TBC1D9B: variants seen among roughly 807,000 people sequenced by gnomAD.
TBC1D9B encodes TBC1 domain family member 9B.
Under a neutral mutation model 121.1 loss-of-function variants are expected in TBC1D9B, and 87 were observed. The observed-to-expected ratio is 0.72, with a 90% CI of 0.60 to 0.86. The LOEUF (loss-of-function observed/expected upper bound fraction) is 0.86, where lower values mean the gene tolerates loss of function less well. TBC1D9B is among the 40% of genes least tolerant of loss of function. TBC1D9B has a pLI of 0.00. For missense variants in TBC1D9B, 1,540 were observed against 1,628.6 expected (o/e 0.95, Z 0.94); for synonymous variants, 668 against 670.1 (o/e 1.00, Z 0.05).
chr5:179,878,715 G>C (rs1257015220), intron 9 of TBC1D9B, among the ~76,000 whole-genome samples, 192 bp from the exon 10 acceptor site: 1 of 152,166 alleles, frequency 6.6e-6, no homozygotes, highest in African/African-American at 2.4e-5. Context: ...TGGCTGACTT[G>C]CCTCTTCCAG....
At chr5:179,871,358 C>T (rs905740943) in intron 15 of TBC1D9B, 104 bp downstream of exon 15, 4 of 1,152,928 alleles carry the variant, frequency 3.5e-6, no homozygotes, top group African/African-American at 3.1e-5. Flanking sequence ...CTATTCTATT[C>T]CCTATTTCTA....
intron 18 of TBC1D9B, chr5:179,867,207 T>C (rs932995707): frequency 3.7e-5 from 18 of 491,240 alleles, no homozygotes; most frequent in Admixed American, 9.8e-5. Context: ...CATGTGGCTG[T>C]GGAGGCCTTG....
intron 15 of TBC1D9B, among the ~76,000 whole-genome samples, chr5:179,871,241 G>A (rs1056324274): frequency 2.0e-5 from 3 of 152,180 alleles, no homozygotes; most frequent in Non-Finnish European, 2.9e-5. Flanking sequence ...GAATGGATTT[G>A]CTGCCATTTA....
intron 2 of TBC1D9B, among the ~76,000 whole-genome samples, chr5:179,900,741 GC>G (rs1316315878): frequency 6.6e-6 from 1 of 152,158 alleles, no homozygotes; most frequent in African/African-American, 2.4e-5. Context: ...TATCACTCAC[GC>G]CTGAAAGAAG....
At chr5:179,900,986 G>A (rs114820861) in intron 2 of TBC1D9B, among the ~76,000 whole-genome samples, 2,345 of 152,226 alleles carry the variant, frequency 0.015, 60 homozygotes, top group African/African-American at 0.054. Flanking sequence ...GCTCCAGCCC[G>A]TGGCACCCGC....
rs1285374109 is a variant in TBC1D9B, at chr5:179,879,908, C to T, written c.1255-119G>A. On this transcript the variant is annotated intron_variant, in intron 7 of 20. Coordinates refer to ENST00000355235, the MANE Select transcript of TBC1D9B (RefSeq NM_015043.4). The stretch of plus-strand genomic sequence containing the variant: ...GTGCAAGAAGGGCCATGGGGGCAAA[C>T]GGTGCACGGAGAAGAGCCTGTCTGG... 19 of 1,232,694 alleles carry T rather than the reference C, an allele frequency of 1.5e-5. No individual in the cohort carries two copies. In the East Asian group the frequency reaches 2.8e-4, roughly 18 times the overall value. 76.4% of individuals were successfully genotyped at this position (1,232,694 alleles called of 1,614,324 possible).
chr5:179,877,664 CAAAAAAA>C (rs564753950), intron 10 of TBC1D9B, among the ~76,000 whole-genome samples: 10 of 66,708 alleles, frequency 1.5e-4, no homozygotes, highest in Admixed American at 1.0e-3. Context: ...GATTCTATCT[CAAAAAAA>C]AAAAAAAAAA....
At chr5:179,881,690 C>T (rs1019397352) in intron 7 of TBC1D9B, among the ~76,000 whole-genome samples, 5 of 152,170 alleles carry the variant, frequency 3.3e-5, no homozygotes, top group Admixed American at 2.0e-4. Context: ...CTCCTTTCCC[C>T]CTTTCAAGTT....
At chr5:179,869,294 C>A (rs1582075588) in intron 17 of TBC1D9B, 2 of 340,636 alleles carry the variant, frequency 5.9e-6, no homozygotes, top group East Asian at 1.5e-4. Context: ...CTGCCCCCTG[C>A]ACAGACAGCC....
intron 10 of TBC1D9B, among the ~76,000 whole-genome samples, chr5:179,877,973 G>C (rs191398714): frequency 2.0e-5 from 3 of 152,220 alleles, no homozygotes; most frequent in Non-Finnish European, 4.4e-5. Flanking sequence ...TGGCGGTGAC[G>C]GGCGTGCAAC....
chr5:179,870,534 G>C, intron 15 of TBC1D9B, 39 bp from the exon 16 acceptor site: 1 of 1,574,396 alleles, frequency 6.4e-7, no homozygotes, highest in Non-Finnish European at 8.6e-7. Context: ...CAGCCGCTAA[G>C]CCTGTGGGTC....
At position 179,907,805 on chromosome 5, in the gene TBC1D9B, T is replaced by G; in HGVS notation, c.17A>C (p.Glu6Ala). The G allele has an allele frequency of 1.5e-5, 18 of 1,205,038 alleles. No homozygotes were observed. The highest frequency in any genetic ancestry group is 1.8e-5 in the Non-Finnish European group (17 of 944,090). 74.6% of individuals were successfully genotyped at this position (1,205,038 alleles called of 1,614,324 possible). A position where few individuals can be genotyped will look rare whatever the true frequency, so the allele number is the denominator to read the frequency against. The change falls in exon 1 of 21, where the codon GAG becomes GCG. Residue 6 changes from glutamate to alanine, a missense_variant. Glu to Ala is a moderately radical substitution (Grantham distance 107). Coordinates refer to ENST00000355235, the MANE Select transcript of TBC1D9B (RefSeq NM_015043.4). This position sits in a 1 kb window ranked among gnomAD's most constrained non-coding sequence, Gnocchi z 5.3. Reference protein sequence around the residue: MWLSPEEVLVANALWV... With the variant: MWLSPAEVLVANALWV... ...CAGCGCATTGGCCACCAGCACCTCCTCCGGGCTCAGCCACATCGCGGAGCC... is the reference window on the plus strand; with the variant it reads ...CAGCGCATTGGCCACCAGCACCTCCGCCGGGCTCAGCCACATCGCGGAGCC...
chr5:179,871,345 T>C, intron 15 of TBC1D9B, 117 bp downstream of exon 15: 1 of 1,050,042 alleles, frequency 9.5e-7, no homozygotes, highest in Non-Finnish European at 1.4e-6. Flanking sequence ...TGTTTCTGTT[T>C]TTCTATTCTA....
chr5:179,876,021 G>A lies in TBC1D9B; in HGVS notation c.1799C>T (p.Thr600Ile). 1 of 1,612,728 alleles carries A rather than the reference G, an allele frequency of 6.2e-7. No individual in the cohort carries two copies. Among genetic ancestry groups the A allele is most frequent in the Non-Finnish European group, 8.5e-7 (1 of 1,179,596 alleles). ...IGYCQAMNIV[T>I]SVLLLYGSEE... ...ACTGCCATAGAGCAGGAGCACCGAG[G>A]TCACGATGTTCATTGCCTGCCGGGC... Residue 600 changes from threonine (T) to isoleucine (I), a missense_variant, in exon 11 of 21, where the codon ACC becomes ATC. Coordinates refer to ENST00000355235, the MANE Select transcript of TBC1D9B (RefSeq NM_015043.4).
intron 18 of TBC1D9B, chr5:179,867,405 T>C (rs958911492): frequency 1.3e-6 from 2 of 1,539,040 alleles, no homozygotes; most frequent in African/African-American, 2.8e-5. Flanking sequence ...GGAAGAGTGT[T>C]AGGAGGTACA....
Position 179,890,052 on chromosome 5 carries a change from G to A in TBC1D9B, c.1044+1327C>T, listed in dbSNP as rs1760816881. ...AGGTCGGAATCTAGGCCGATACGTG[G>A]CTTTTACCTGGGCAAAGGGTGGAAG... On this transcript the variant is annotated intron_variant, in intron 6 of 20. Transcript: ENST00000355235. This position sits in a 1 kb window ranked among gnomAD's most constrained non-coding sequence, Gnocchi z 5.0. 6.6e-6 allele frequency among the ~76,000 whole-genome samples: 1 copy of A among 152,070 alleles called. No individual in the cohort carries two copies. Among genetic ancestry groups the A allele is most frequent in the Admixed American group, 6.6e-5 (1 of 15,264 alleles).
In TBC1D9B at chr5:179,863,517, C is replaced by G. The variant is rs1341434004; in HGVS notation, c.3633G>C (p.Lys1211Asn). 1 of 1,614,222 alleles carries G rather than the reference C, an allele frequency of 6.2e-7. No homozygotes were observed. The highest frequency in any genetic ancestry group is 8.5e-7 in the Non-Finnish European group (1 of 1,180,040). Residue 1211 changes from lysine (K) to asparagine (N), a missense_variant, in exon 21 of 21, where the codon AAG becomes AAC. Lys to Asn is a moderately conservative substitution (Grantham distance 94). Coordinates refer to ENST00000355235, the MANE Select transcript of TBC1D9B (RefSeq NM_015043.4). This position sits in a 1 kb window ranked among gnomAD's most constrained non-coding sequence, Gnocchi z 4.5. ...ACTGTCTCTCCACTTTCTTTTGGTC[C>G]TTGATCTTGAGTCCAATGTCCACTC... ...EKRVDIGLKI[K>N]DQKKVERQFS...
At chr5:179,871,687 A>G in intron 14 of TBC1D9B, 157 bp from the exon 15 acceptor site, 1 of 689,804 alleles carries the variant, frequency 1.4e-6, no homozygotes, top group Non-Finnish European at 2.5e-6. Context: ...GGAGAGAGCG[A>G]GGCCCACAGC....
At position 179,875,501 on chromosome 5, in the gene TBC1D9B, T is replaced by C. The variant is rs1006640805; in HGVS notation, c.1901-314A>G. On this transcript the variant is annotated intron_variant, in intron 11 of 20. Transcript: ENST00000355235. This position sits in a 1 kb window ranked among gnomAD's most constrained non-coding sequence, Gnocchi z 4.5. ...TCTGTCCCATCCTGATGATTGTGAATAGACGCAGCTCTGAAGGACCCCAAG... is the reference window on the plus strand; with the variant it reads ...TCTGTCCCATCCTGATGATTGTGAACAGACGCAGCTCTGAAGGACCCCAAG... Among the ~76,000 whole-genome samples the C allele has an allele frequency of 7.2e-5, 11 of 152,178 alleles. No individual in the cohort carries two copies. Among genetic ancestry groups the C allele is most frequent in the African/African-American group, 2.7e-4 (11 of 41,436 alleles).
Sources: gnomAD v4.1 joint callset for allele counts (sites outside exome capture counted in the v4.1 genomes callset) on GRCh38, gnomAD v4.1.1 for gene constraint, Gnocchi (gnomAD v3.1) non-coding constraint, MANE v1.5 for transcripts, NCBI Gene and HGNC (gene_info 2026-07-23, HGNC 2026-07-21) for gene names.